PKNOX1: variants seen among roughly 807,000 people sequenced by gnomAD.
PKNOX1 encodes homeobox protein PKNOX1.
Under a neutral mutation model 51.9 loss-of-function variants are expected in PKNOX1, and 15 were observed. That is an observed-to-expected ratio of 0.29 (90% CI 0.19 to 0.45). PKNOX1 has a LOEUF of 0.45. PKNOX1 is among the 20% of genes least tolerant of loss of function. The probability of loss-of-function intolerance (pLI) is 1.00; values close to 1 mark genes in which losing one functional copy is unlikely to be tolerated. For synonymous variants in PKNOX1, 219 were observed against 211.1 expected, an observed-to-expected ratio of 1.04 and a Z score of -0.32; for missense variants, 462 against 547.5, an observed-to-expected ratio of 0.84 and a Z score of 1.56.
intron 1 of PKNOX1, 41 bp from the exon 2 acceptor site, chr21:43,004,285 C>A (rs569561145): frequency 2.4e-6 from 2 of 838,204 alleles, no homozygotes; most frequent in Non-Finnish European, 4.0e-6. Flanking sequence ...AAAAAATGCT[C>A]TACAACTATT....
At chr21:43,019,421 A>AC (rs1555862922) in intron 7 of PKNOX1, among the ~76,000 whole-genome samples, 4 of 138,414 alleles carry the variant, frequency 2.9e-5, no homozygotes, top group Non-Finnish European at 5.0e-5. Flanking sequence ...AAAAAAAAAC[A>AC]CACATTTTTT....
intron 1 of PKNOX1, among the ~76,000 whole-genome samples, chr21:42,977,540 T>A (rs2059003575): frequency 5.9e-5 from 1 of 16,908 alleles, no homozygotes; most frequent in Non-Finnish European, 1.0e-4. Context: ...CTTCCAACTT[T>A]TTTTTTTTTT....
At chr21:43,020,326 G>T (rs1193296425) in intron 7 of PKNOX1, 2 of 152,430 alleles carry the variant, frequency 1.3e-5, no homozygotes, top group East Asian at 1.9e-4. Context: ...TCCTTCCCTG[G>T]TCTGCGCAGT....
chr21:43,027,830 C>T (rs1980048193), intron 9 of PKNOX1, among the ~76,000 whole-genome samples: 1 of 152,132 alleles, frequency 6.6e-6, no homozygotes, highest in Non-Finnish European at 1.5e-5. Context: ...GCAGCAGAAT[C>T]GCTTAAACCC....
At position 43,030,002 on chromosome 21, in the gene PKNOX1, C is replaced by T. The variant is rs201942352; in HGVS notation, c.1212C>T (p.Ser404=). ...AGCAGGTCATGATGGCAGGGCAGAG[C>T]GAGGACGAGTCTGTGGACAGCACAG... ...AVQQVMMAGQ[S]EDESVDSTEE... Residue 404 remains serine (S), a synonymous_variant, in exon 11 of 11, where the codon AGC becomes AGT. Coordinates refer to ENST00000291547, the MANE Select transcript of PKNOX1 (RefSeq NM_004571.5). The T allele has an allele frequency of 8.9e-5, 144 of 1,613,876 alleles. 1 individual carries two copies. Among genetic ancestry groups the T allele is most frequent in the East Asian group, 2.2e-4 (10 of 44,876 alleles).
chr21:43,024,747 C>G (rs894600874), intron 8 of PKNOX1, 124 bp from the exon 9 acceptor site: 22 of 649,502 alleles, frequency 3.4e-5, no homozygotes, highest in Non-Finnish European at 5.5e-5. Flanking sequence ...TAGGTTTTGG[C>G]TAGAAGCACT....
intron 4 of PKNOX1, among the ~76,000 whole-genome samples, chr21:43,010,478 C>T (rs56041312): frequency 0.082 from 12,502 of 151,968 alleles, 713 homozygotes; most frequent in Non-Finnish European, 0.12. Context: ...TGTATTCCCC[C>T]AGATGGTCTC....
At chr21:43,002,836 C>A (rs987060694) in intron 1 of PKNOX1, among the ~76,000 whole-genome samples, 1 of 152,182 alleles carries the variant, frequency 6.6e-6, no homozygotes, top group South Asian at 2.1e-4. Flanking sequence ...GCTGCCTCAG[C>A]CTCCTGAGTA....
In PKNOX1 at chr21:43,025,309, T is replaced by C. The variant is rs375892172; in HGVS notation, c.926+362T>C. 5.3e-5 allele frequency among the ~76,000 whole-genome samples: 8 copies of C among 152,334 alleles called. No individual in the cohort carries two copies. The South Asian group carries it at 6.2e-4, about 12-fold the overall frequency. On this transcript the variant is annotated intron_variant, in intron 9 of 10. Transcript: ENST00000291547. Reference sequence around the variant, plus strand: ...CATCCTGCCTGCCTCTTTAGAGCTGTTTCTCTAGGGTGCTACTGTCCCCAA... The same window carrying C: ...CATCCTGCCTGCCTCTTTAGAGCTGCTTCTCTAGGGTGCTACTGTCCCCAA...
intron 9 of PKNOX1, among the ~76,000 whole-genome samples, chr21:43,026,917 G>T (rs1405911227): frequency 6.6e-6 from 1 of 152,128 alleles, no homozygotes; most frequent in African/African-American, 2.4e-5. Context: ...TTATTAGACT[G>T]TGTGCTAATA....
At chr21:42,975,250 G>T (rs1156540513) in intron 1 of PKNOX1, among the ~76,000 whole-genome samples, 10 of 149,560 alleles carry the variant, frequency 6.7e-5, no homozygotes, top group Admixed American at 6.7e-4. Context: ...CGCGACCCCG[G>T]CCCCGGCCTC....
At chr21:42,991,370 C>T (rs2059086248) in intron 1 of PKNOX1, among the ~76,000 whole-genome samples, 3 of 151,580 alleles carry the variant, frequency 2.0e-5, no homozygotes, top group Admixed American at 2.0e-4. Context: ...TAAAAATAAC[C>T]AAACCACAAA....
chr21:42,982,966 C>T (rs972925475), intron 1 of PKNOX1, among the ~76,000 whole-genome samples: 3 of 151,772 alleles, frequency 2.0e-5, no homozygotes, highest in African/African-American at 7.3e-5. Context: ...CCCACCACCA[C>T]GCCTGGCTAA....
At chr21:42,978,546 C>T (rs1217362337) in intron 1 of PKNOX1, among the ~76,000 whole-genome samples, 6 of 141,722 alleles carry the variant, frequency 4.2e-5, no homozygotes, top group African/African-American at 1.1e-4. Context: ...TGCAGTGGCG[C>T]GATCTTGGCT....
chr21:43,000,498 T>C (rs1443264506), intron 1 of PKNOX1, among the ~76,000 whole-genome samples: 1 of 152,188 alleles, frequency 6.6e-6, no homozygotes, highest in East Asian at 1.9e-4. Context: ...GTGAGACTTA[T>C]TCACTATCAG....
In PKNOX1 at chr21:43,021,958, AG is replaced by A. The variant is rs1292339977; in HGVS notation, c.849+529del. Among the ~76,000 whole-genome samples, 2 of 152,164 alleles carry A rather than the reference AG, an allele frequency of 1.3e-5. No homozygotes were observed. The highest frequency in any genetic ancestry group is 4.8e-5 in the African/African-American group (2 of 41,440). ...ATGGCCGCGTCTTCTCCCTGTCCCC[AG>A]GACATCTTAGGAAGTGCAGTGGTGG... On this transcript the variant is annotated intron_variant, in intron 8 of 10. Coordinates refer to ENST00000291547, the MANE Select transcript of PKNOX1 (RefSeq NM_004571.5). The surrounding 1 kb of genome is among the most constrained non-coding windows in gnomAD (Gnocchi z 4.6).
intron 1 of PKNOX1, among the ~76,000 whole-genome samples, chr21:43,000,061 C>G (rs774854276): frequency 1.3e-5 from 2 of 152,120 alleles, no homozygotes; most frequent in African/African-American, 2.4e-5. Flanking sequence ...CCTCCTCAGC[C>G]TGGACTTTAC....
intron 9 of PKNOX1, among the ~76,000 whole-genome samples, chr21:43,028,234 G>A (rs187451291): frequency 3.5e-4 from 53 of 152,306 alleles, no homozygotes; most frequent in African/African-American, 1.3e-3. Context: ...GCTCAGACAC[G>A]TTGCCACCCA....
intron 1 of PKNOX1, among the ~76,000 whole-genome samples, chr21:42,989,929 T>G (rs2059077039): frequency 6.6e-6 from 1 of 151,956 alleles, no homozygotes; most frequent in African/African-American, 2.4e-5. Flanking sequence ...CAAAACCCTG[T>G]CTCTACAAAA....
Sources: allele counts gnomAD v4.1 joint callset (sites outside exome capture counted in the v4.1 genomes callset), GRCh38; gene constraint gnomAD v4.1.1; non-coding constraint Gnocchi (gnomAD v3.1); transcripts MANE v1.5; gene names NCBI Gene and HGNC (gene_info 2026-07-23, HGNC 2026-07-21).